The following LSM7 variants were observed in gnomAD, a reference collection of about 807,000 sequenced individuals.
LSM7 encodes the protein LSM7 homolog, U6 small nuclear RNA and mRNA degradation associated, also known as U6 snRNA-associated Sm-like protein LSm7.
A neutral mutation model predicts 14.1 loss-of-function variants in LSM7; 13 were observed. The ratio of observed to expected loss-of-function variants is 0.92; its 90% CI spans 0.60 to 1.47. LSM7 has a LOEUF of 1.47. LSM7 is among the 40% of genes most tolerant of loss of function. The probability of loss-of-function intolerance (pLI) is 0.00; values close to 1 mark genes in which losing one functional copy is unlikely to be tolerated. For synonymous variants in LSM7, 70 were observed against 57.1 expected (o/e 1.23, Z -1.02); for missense variants, 108 against 140.8 (o/e 0.77, Z 1.18).
At position 2,328,463 on chromosome 19, in the gene LSM7, C is replaced by T. The variant is rs1441487318; in HGVS notation, c.21G>A (p.Lys7=). The change falls in exon 2 of 4, where the codon AAG becomes AAA. Residue 7 remains lysine, a synonymous_variant. Transcript: ENST00000252622. MADKEK[K]KKESILDLSK... is the part of the protein sequence containing the mutation. ...ACAAGTCCAAGATGCTCTCCTTTTT[C>T]TTCTTCTCCTTATCCTGCGGGGAAA... The T allele has an allele frequency of 1.9e-6, 3 of 1,613,864 alleles. No individual in the cohort carries two copies. Among genetic ancestry groups the T allele is most frequent in the Middle Eastern group, 1.6e-4 (1 of 6,062 alleles).
At chr19:2,323,968 G>C (rs886453384) in intron 3 of LSM7, among the ~76,000 whole-genome samples, 157 bp downstream of exon 3, 1 of 152,028 alleles carries the variant, frequency 6.6e-6, no homozygotes. Flanking sequence ...GAGGCTTCAC[G>C]TTGGTAACTC....
intron 3 of LSM7, among the ~76,000 whole-genome samples, chr19:2,323,553 C>T (rs1021132850): frequency 3.3e-5 from 5 of 152,110 alleles, no homozygotes; most frequent in Admixed American, 2.0e-4. Flanking sequence ...CAGGTTCAAG[C>T]GATTCTCCTG....
In LSM7 at chr19:2,324,203, GA is replaced by G. The variant is rs754142648; in HGVS notation, c.98-8del. Reference sequence around the variant, plus strand: ...CCCTTCAGGATTCCACTGGCTTGGAGAAATCACCGGGGGAGAGAAAAGAGAA... The same window carrying G: ...CCCTTCAGGATTCCACTGGCTTGGAGAATCACCGGGGGAGAGAAAAGAGAA... On this transcript the variant is annotated splice_polypyrimidine_tract_variant and splice_region_variant and intron_variant, in intron 2 of 3. Coordinates refer to ENST00000252622, the MANE Select transcript of LSM7 (RefSeq NM_016199.3). 3 of 1,571,700 alleles carry G rather than the reference GA, an allele frequency of 1.9e-6. No homozygotes were observed. Among genetic ancestry groups the G allele is most frequent in the Admixed American group, 3.7e-5 (2 of 53,812 alleles).
intron 2 of LSM7, among the ~76,000 whole-genome samples, chr19:2,325,285 C>G (rs548949087): frequency 6.6e-6 from 1 of 152,104 alleles, no homozygotes; most frequent in Non-Finnish European, 1.5e-5. Context: ...CCAGCAGAGG[C>G]CAGCCCACCC....
At chr19:2,326,312 TTGTGTGTGTGTG>T (rs145468909) in intron 2 of LSM7, among the ~76,000 whole-genome samples, 30 of 129,782 alleles carry the variant, frequency 2.3e-4, no homozygotes, top group African/African-American at 6.2e-4. Flanking sequence ...TTTCTGCTTT[TTGTGTGTGTGTG>T]TGTGTGTGTG....
chr19:2,327,891 T>G, intron 2 of LSM7: 1 of 156,848 alleles, frequency 6.4e-6, no homozygotes, highest in Non-Finnish European at 1.4e-5. Context: ...CCTGTAACCA[T>G]TCATTCTCAC....
chr19:2,323,254 T>C (rs1322517661), intron 3 of LSM7, among the ~76,000 whole-genome samples: 3 of 151,874 alleles, frequency 2.0e-5, no homozygotes, highest in African/African-American at 7.3e-5. Context: ...CCTGCGTTCA[T>C]AGCGGGAATT....
chr19:2,321,677 A>C lies in LSM7; in HGVS notation c.*3T>G. On this transcript the variant is annotated 3_prime_UTR_variant, in exon 4 of 4. Coordinates refer to ENST00000252622, the MANE Select transcript of LSM7 (RefSeq NM_016199.3). This position sits in a 1 kb window ranked among gnomAD's most constrained non-coding sequence, Gnocchi z 5.0. ...CCCTGCACCCCCCGCGCCCCCGGCC[A>C]GGCTAGGCGTCCTGCTGCTGGATGA... 1 of 1,513,842 alleles carries C rather than the reference A, an allele frequency of 6.6e-7. No homozygotes were observed. Among genetic ancestry groups the C allele is most frequent in the Non-Finnish European group, 8.8e-7 (1 of 1,130,842 alleles). The allele number at this position is 1,513,842 out of a possible 1,614,324, so 93.8% of individuals were successfully genotyped here.
At chr19:2,325,200 G>A (rs1967995996) in intron 2 of LSM7, among the ~76,000 whole-genome samples, 1 of 152,140 alleles carries the variant, frequency 6.6e-6, no homozygotes. Context: ...CTGACCCGGT[G>A]GTGATCTCTG....
Position 2,323,598 on chromosome 19 carries a change from G to T in LSM7, c.169+527C>A, listed in dbSNP as rs552662135. ...CCCGAGCAGCTGGGATTACAGGCAT[G>T]CGCCACCACACCCAGCAATTTTTTT... On this transcript the variant is annotated intron_variant, in intron 3 of 3. Coordinates refer to ENST00000252622, the MANE Select transcript of LSM7 (RefSeq NM_016199.3). Among the ~76,000 whole-genome samples the T allele has an allele frequency of 3.3e-5, 5 of 152,262 alleles. No homozygotes were observed. The East Asian group carries it at 5.8e-4, about 18-fold the overall frequency.
At chr19:2,324,376 C>G (rs755444950) in intron 2 of LSM7, 180 bp from the exon 3 acceptor site, 1 of 600,826 alleles carries the variant, frequency 1.7e-6, no homozygotes, top group Non-Finnish European at 3.0e-6. Flanking sequence ...CCACCACAGG[C>G]AGCAGACCAC....
In LSM7 at chr19:2,328,395, C is replaced by T; in HGVS notation, c.89G>A (p.Gly30Asp). 6.2e-7 allele frequency: 1 copy of T among 1,613,856 alleles called. No individual in the cohort carries two copies. The highest frequency in any genetic ancestry group is 8.5e-7 in the Non-Finnish European group (1 of 1,179,850). ...AGCGGGAGCCTCCTCACCTTCGCGG[C>T]CTCCCTGGAACTTTACCCGGATCGT... ...DKTIRVKFQG[G>D]REASGILKGF... Residue 30 changes from glycine to aspartate, a missense_variant, in exon 2 of 4, where the codon GGC becomes GAC. Transcript: ENST00000252622.
intron 2 of LSM7, 66 bp downstream of exon 2, chr19:2,328,321 C>T (rs1000976431): frequency 1.5e-6 from 2 of 1,355,304 alleles, no homozygotes; most frequent in Non-Finnish European, 2.1e-6. Context: ...GCGTCCTCAT[C>T]ATCTCTGTTG....
At chr19:2,324,434 G>C in intron 2 of LSM7, 1 of 538,524 alleles carries the variant, frequency 1.9e-6, no homozygotes, top group Non-Finnish European at 3.4e-6. Context: ...GTGGGCCACA[G>C]GGTGCCGGTC....
Position 2,328,491 on chromosome 19 carries a change from A to G in LSM7, c.7-14T>C. 2 of 1,613,416 alleles carry G rather than the reference A, an allele frequency of 1.2e-6. No homozygotes were observed. Among genetic ancestry groups the G allele is most frequent in the Non-Finnish European group, 1.7e-6 (2 of 1,179,710 alleles). ...CTTCTCCTTATCCTGCGGGGAAAGC[A>G]GAGCGCATGAGACCTGGAGCGCGGC... On this transcript the variant is annotated splice_polypyrimidine_tract_variant and intron_variant, in intron 1 of 3. Coordinates refer to ENST00000252622, the MANE Select transcript of LSM7 (RefSeq NM_016199.3).
intron 1 of LSM7, 21 bp from the exon 2 acceptor site, chr19:2,328,498 A>T: frequency 6.2e-7 from 1 of 1,613,138 alleles, no homozygotes; most frequent in Non-Finnish European, 8.5e-7. Flanking sequence ...AGCAGAGCGC[A>T]TGAGACCTGG....
chr19:2,324,203 G>T lies in LSM7; in HGVS notation c.98-7C>A. The stretch of plus-strand genomic sequence containing the variant: ...CCCTTCAGGATTCCACTGGCTTGGA[G>T]AAATCACCGGGGGAGAGAAAAGAGA... On this transcript the variant is annotated splice_region_variant and splice_polypyrimidine_tract_variant and intron_variant, in intron 2 of 3. Transcript: ENST00000252622. 6.4e-7 allele frequency: 1 copy of T among 1,571,816 alleles called. No individual in the cohort carries two copies. Among genetic ancestry groups the T allele is most frequent in the Non-Finnish European group, 8.6e-7 (1 of 1,158,432 alleles).
chr19:2,321,855 C>G lies in LSM7; in HGVS notation c.170-33G>C, dbSNP rs886881. The G allele has an allele frequency of 0.3, 410,466 of 1,378,642 alleles. 73,734 individuals carry two copies. The highest frequency in any genetic ancestry group is 0.74 in the African/African-American group (49,171 of 66,462). 85.4% of individuals were successfully genotyped at this position (1,378,642 alleles called of 1,614,324 possible). On this transcript the variant is annotated intron_variant, in intron 3 of 3. Coordinates refer to ENST00000252622, the MANE Select transcript of LSM7 (RefSeq NM_016199.3). This position sits in a 1 kb window ranked among gnomAD's most constrained non-coding sequence, Gnocchi z 5.0. ...GGAGCAGATAGAGAGGACTGAGGGA[C>G]CTCCAGGAAGCCTCCGAGACCCCCC...
intron 2 of LSM7, 51 bp from the exon 3 acceptor site, chr19:2,324,247 G>T: frequency 7.0e-7 from 1 of 1,425,360 alleles, no homozygotes; most frequent in South Asian, 1.2e-5. Flanking sequence ...GATCCGTCCT[G>T]GGCGCAGGGC....
Sources: allele counts gnomAD v4.1 joint callset (sites outside exome capture counted in the v4.1 genomes callset), GRCh38; gene constraint gnomAD v4.1.1; non-coding constraint Gnocchi (gnomAD v3.1); transcripts MANE v1.5; gene names NCBI Gene and HGNC (gene_info 2026-07-23, HGNC 2026-07-21).